Variants in KCNQ5 observed in about 807,000 individuals in gnomAD.
KCNQ5 encodes potassium voltage-gated channel subfamily Q member 5, also known as potassium voltage-gated channel subfamily KQT member 5.
A neutral mutation model predicts 98.2 loss-of-function variants in KCNQ5; 30 were observed. That is an observed-to-expected ratio of 0.31 (90% CI 0.23 to 0.41). KCNQ5 has a LOEUF of 0.41. KCNQ5 is among the 10% of genes least tolerant of loss of function. The pLI, the probability that KCNQ5 is intolerant of heterozygous loss-of-function variation, is 1.00. For synonymous variants in KCNQ5, 458 were observed against 449.4 expected, an observed-to-expected ratio of 1.02 and a Z score of -0.24; for missense variants, 835 against 1,182.5, an observed-to-expected ratio of 0.71 and a Z score of 4.31.
In KCNQ5 at chr6:73,125,243, G is replaced by A. The variant is rs867269236; in HGVS notation, c.1247+731G>A. 6.6e-5 allele frequency among the ~76,000 whole-genome samples: 10 copies of A among 151,428 alleles called. No individual in the cohort carries two copies. In the South Asian group the frequency reaches 1.3e-3, roughly 19 times the overall value. On this transcript the variant is annotated intron_variant, in intron 9 of 13. Coordinates refer to ENST00000370398, the MANE Select transcript of KCNQ5 (RefSeq NM_019842.4). ...GTTTCCCATGACTTAGATGGAATGA[G>A]TCGTCAGATTACAGCAGAGAATTAA...
At chr6:72,719,179 C>T (rs559727549) in intron 1 of KCNQ5, among the ~76,000 whole-genome samples, 3 of 152,234 alleles carry the variant, frequency 2.0e-5, no homozygotes, top group South Asian at 2.1e-4. Flanking sequence ...TCTGAATTCC[C>T]GTTCAGATAT....
intron 10 of KCNQ5, among the ~76,000 whole-genome samples, chr6:73,165,908 A>C (rs889663740): frequency 4.0e-5 from 6 of 150,736 alleles, no homozygotes; most frequent in African/African-American, 1.5e-4. Context: ...TTGTGCTACT[A>C]CACTTGAGCC....
chr6:73,073,103 C>T (rs149906578), intron 3 of KCNQ5, among the ~76,000 whole-genome samples: 58 of 152,286 alleles, frequency 3.8e-4, no homozygotes, highest in Non-Finnish European at 4.9e-4. Flanking sequence ...TATCCACCTG[C>T]TTTCATAGCC....
rs545074153 is a variant in KCNQ5, at chr6:72,811,422, C to T, written c.398+188835C>T. The stretch of plus-strand genomic sequence containing the variant: ...ATCTGCTACCCAAGTTCTATACATC[C>T]CCTCTTAGGAAAGAATCATAATTTA... On this transcript the variant is annotated intron_variant, in intron 1 of 13. Transcript: ENST00000370398. Among the ~76,000 whole-genome samples, 8 of 152,154 alleles carry T rather than the reference C, an allele frequency of 5.3e-5. No individual in the cohort carries two copies. In the South Asian group the frequency reaches 6.2e-4, roughly 12 times the overall value.
At chr6:73,190,268 G>A (rs985967367) in intron 11 of KCNQ5, among the ~76,000 whole-genome samples, 11 of 152,166 alleles carry the variant, frequency 7.2e-5, no homozygotes, top group Non-Finnish European at 1.5e-4. Context: ...GCATGGAAAA[G>A]TTAGAATTGC....
At chr6:72,753,010 G>A (rs892212606) in intron 1 of KCNQ5, among the ~76,000 whole-genome samples, 4 of 152,020 alleles carry the variant, frequency 2.6e-5, no homozygotes, top group African/African-American at 9.7e-5. Context: ...AAAATGTAAG[G>A]CAAGTTTTTA....
chr6:72,978,862 G>A (rs919430067), intron 1 of KCNQ5, among the ~76,000 whole-genome samples: 1 of 152,016 alleles, frequency 6.6e-6, no homozygotes, highest in African/African-American at 2.4e-5. Context: ...AGTGTGTGAT[G>A]TTCCCCTTCC....
At chr6:73,062,809 C>T (rs1463666370) in intron 3 of KCNQ5, among the ~76,000 whole-genome samples, 1 of 152,050 alleles carries the variant, frequency 6.6e-6, no homozygotes, top group Non-Finnish European at 1.5e-5. Flanking sequence ...CCCATATTGC[C>T]TTTTTCTCAA....
chr6:72,687,950 T>C (rs1161859450), intron 1 of KCNQ5, among the ~76,000 whole-genome samples: 1 of 151,760 alleles, frequency 6.6e-6, no homozygotes, highest in East Asian at 1.9e-4. Flanking sequence ...GCGATTCTTC[T>C]GCCTCAGCCT....
chr6:72,669,671 T>G (rs756106616), intron 1 of KCNQ5, among the ~76,000 whole-genome samples: 1 of 152,176 alleles, frequency 6.6e-6, no homozygotes, highest in Non-Finnish European at 1.5e-5. Flanking sequence ...GACAAAGAGC[T>G]CTATGGTCTG....
At chr6:72,861,994 C>T (rs868732036) in intron 1 of KCNQ5, among the ~76,000 whole-genome samples, 1 of 152,174 alleles carries the variant, frequency 6.6e-6, no homozygotes, top group Non-Finnish European at 1.5e-5. Flanking sequence ...CTACTCATGA[C>T]TTCCCGGCCC....
chr6:72,687,176 A>G (rs1038277387), intron 1 of KCNQ5, among the ~76,000 whole-genome samples: 3 of 152,344 alleles, frequency 2.0e-5, no homozygotes, highest in African/African-American at 7.2e-5. Context: ...AAGGCTGTAT[A>G]TGAAGCGTTA....
chr6:72,845,679 CTG>C (rs1776990015), intron 1 of KCNQ5, among the ~76,000 whole-genome samples: 1 of 152,112 alleles, frequency 6.6e-6, no homozygotes, highest in African/African-American at 2.4e-5. Context: ...CTTGATAAAT[CTG>C]TGAAGGTGTT....
chr6:72,970,923 C>T (rs1767858725), intron 1 of KCNQ5, among the ~76,000 whole-genome samples: 1 of 152,212 alleles, frequency 6.6e-6, no homozygotes, highest in African/African-American at 2.4e-5. Flanking sequence ...CAATACCATT[C>T]AGGGCATAGG....
At chr6:72,777,523 G>A (rs543146119) in intron 1 of KCNQ5, among the ~76,000 whole-genome samples, 8 of 150,914 alleles carry the variant, frequency 5.3e-5, no homozygotes, top group South Asian at 2.1e-4. Context: ...CATTAGCCCC[G>A]AGCTACGTTT....
At chr6:73,186,226 CAA>C (rs573218640) in intron 11 of KCNQ5, among the ~76,000 whole-genome samples, 7 of 136,140 alleles carry the variant, frequency 5.1e-5, no homozygotes, top group Non-Finnish European at 6.4e-5. Context: ...GACCTTGTCT[CAA>C]AAAAAAAAAA....
chr6:73,130,595 CA>C (rs907385961), intron 9 of KCNQ5, among the ~76,000 whole-genome samples: 16 of 150,962 alleles, frequency 1.1e-4, no homozygotes, highest in African/African-American at 3.9e-4. Context: ...TAGATGTCAC[CA>C]AAAAAAAGGC....
intron 1 of KCNQ5, among the ~76,000 whole-genome samples, chr6:72,885,421 C>T (rs1259495856): frequency 6.6e-6 from 1 of 152,016 alleles, no homozygotes. Flanking sequence ...GCCCAGGATT[C>T]CAAGTCCAGC....
chr6:72,970,658 TA>T (rs1487013141), intron 1 of KCNQ5, among the ~76,000 whole-genome samples: 1 of 152,072 alleles, frequency 6.6e-6, no homozygotes, highest in Non-Finnish European at 1.5e-5. Context: ...AGATATAGAC[TA>T]ATGGAACAGA....
Sources: allele counts gnomAD v4.1 joint callset (sites outside exome capture counted in the v4.1 genomes callset), GRCh38; gene constraint gnomAD v4.1.1; transcripts MANE v1.5; gene names NCBI Gene and HGNC (gene_info 2026-07-23, HGNC 2026-07-21).